Variants in BCAP29 observed in about 807,000 individuals in gnomAD.
BCAP29 encodes B-cell receptor-associated protein 29.
In BCAP29, 34 loss-of-function variants were observed where a neutral mutation model predicts 31.8. The observed-to-expected ratio is 1.07, with a 90% CI of 0.81 to 1.42. BCAP29 has a LOEUF of 1.42. Ranked by LOEUF, BCAP29 falls within the 40% of genes most tolerant of loss-of-function variation. The pLI is 0.00. For synonymous variants in BCAP29, 104 were observed against 91.3 expected, an observed-to-expected ratio of 1.14 and a Z score of -0.79; for missense variants, 314 against 269.2, an observed-to-expected ratio of 1.17 and a Z score of -1.16.
intron 4 of BCAP29, among the ~76,000 whole-genome samples, chr7:107,594,865 A>G (rs943247488): frequency 2.0e-5 from 3 of 152,152 alleles, no homozygotes; most frequent in African/African-American, 7.2e-5. Flanking sequence ...AACAAACAGT[A>G]GTTAACAGCT....
chr7:107,608,542 T>C (rs78447688), intron 6 of BCAP29, among the ~76,000 whole-genome samples: 3,551 of 152,258 alleles, frequency 0.023, 135 homozygotes, highest in African/African-American at 0.081. Flanking sequence ...TCCAGGCTTA[T>C]CTTGAACATT....
chr7:107,603,916 TA>T (rs976468455), intron 6 of BCAP29, among the ~76,000 whole-genome samples: 51 of 152,272 alleles, frequency 3.3e-4, no homozygotes, highest in African/African-American at 1.2e-3. Flanking sequence ...CAGCAATTTT[TA>T]AAAGAACTTT....
At chr7:107,622,493 G>C (rs1815063838), downstream of BCAP29, 1 of 152,994 alleles carries the variant, frequency 6.5e-6, no homozygotes, top group South Asian at 2.1e-4. Flanking sequence ...TCTTTCCCCT[G>C]TCAGTACGTT....
intron 5 of BCAP29, among the ~76,000 whole-genome samples, chr7:107,598,974 T>G (rs1435401809): frequency 1.5e-5 from 2 of 132,816 alleles, no homozygotes; most frequent in Non-Finnish European, 3.1e-5. Flanking sequence ...TAAATTTATA[T>G]ATCTATAAAT....
chr7:107,608,679 T>A (rs1305214305), intron 6 of BCAP29, among the ~76,000 whole-genome samples: 1 of 152,212 alleles, frequency 6.6e-6, no homozygotes, highest in Non-Finnish European at 1.5e-5. Context: ...ATGAGTATAT[T>A]TTCATCAAAA....
At chr7:107,606,890 CT>C in intron 6 of BCAP29, among the ~76,000 whole-genome samples, 1 of 152,024 alleles carries the variant, frequency 6.6e-6, no homozygotes, top group Non-Finnish European at 1.5e-5. Flanking sequence ...GCACCTTTTA[CT>C]TTTTTTTATT....
At chr7:107,591,063 T>C (rs1399945958) in intron 3 of BCAP29, among the ~76,000 whole-genome samples, 1 of 152,136 alleles carries the variant, frequency 6.6e-6, no homozygotes, top group Non-Finnish European at 1.5e-5. Context: ...AAATAAACTT[T>C]ATAAAAGAGG....
At chr7:107,586,309 G>A (rs1468519737) in intron 3 of BCAP29, among the ~76,000 whole-genome samples, 1 of 151,902 alleles carries the variant, frequency 6.6e-6, no homozygotes, top group Non-Finnish European at 1.5e-5. Flanking sequence ...CCACATCAAA[G>A]GAAAAAAAAT....
intron 7 of BCAP29, chr7:107,613,708 G>A: frequency 1.9e-6 from 3 of 1,613,892 alleles, no homozygotes; most frequent in Non-Finnish European, 2.5e-6. Flanking sequence ...TGGCAGCATT[G>A]GAAAACAGAC....
chr7:107,593,480 G>C (rs1809252382), intron 3 of BCAP29, among the ~76,000 whole-genome samples: 1 of 152,128 alleles, frequency 6.6e-6, no homozygotes, highest in Admixed American at 6.6e-5. Context: ...TATGCCAGTG[G>C]AAATTTCAGT....
chr7:107,607,532 T>G (rs576261425), intron 6 of BCAP29, among the ~76,000 whole-genome samples: 6 of 152,074 alleles, frequency 3.9e-5, no homozygotes, highest in Non-Finnish European at 7.4e-5. Flanking sequence ...TTTTACTATA[T>G]CATATTATTA....
chr7:107,583,294 A>G (rs1807033888), intron 2 of BCAP29, among the ~76,000 whole-genome samples: 1 of 151,062 alleles, frequency 6.6e-6, no homozygotes, highest in Non-Finnish European at 1.5e-5. Flanking sequence ...TAGTAATTAC[A>G]TGGTTTTATA....
At chr7:107,609,999 C>G (rs1812838724) in intron 6 of BCAP29, among the ~76,000 whole-genome samples, 1 of 152,182 alleles carries the variant, frequency 6.6e-6, no homozygotes, top group African/African-American at 2.4e-5. Context: ...GTTTCTATCT[C>G]TGGTCGAAAT....
At chr7:107,600,526 A>G (rs764992160) in intron 6 of BCAP29, 21 bp downstream of exon 6, 8 of 1,395,786 alleles carry the variant, frequency 5.7e-6, no homozygotes, top group Non-Finnish European at 4.0e-6. Flanking sequence ...GTACATGTGA[A>G]AAAGTAAAAA....
Position 107,583,967 on chromosome 7 carries a change from ATTGT to A in BCAP29, c.180_183del (p.Val61TyrfsTer3). On this transcript the variant is annotated frameshift_variant, in exon 3 of 8. Coordinates refer to ENST00000005259, the MANE Select transcript of BCAP29 (RefSeq NM_018844.4). LOFTEE classifies it high-confidence loss of function. Reference sequence around the variant, plus strand: ...TTTCCTTACCATTATCATCCTATTGATTGTTCTATTTCTAGGTAAGTACTAGATC... The same window carrying A: ...TTTCCTTACCATTATCATCCTATTGATCTATTTCTAGGTAAGTACTAGATC... The A allele has an allele frequency of 2.6e-6, 4 of 1,565,676 alleles. No individual in the cohort carries two copies. Among genetic ancestry groups the A allele is most frequent in the Non-Finnish European group, 2.6e-6 (3 of 1,150,618 alleles).
In BCAP29 at chr7:107,591,656, A is replaced by ACACACACACACACACC; in HGVS notation, c.194-2298_194-2297insACACACACACACACCC. Among the ~76,000 whole-genome samples the ACACACACACACACACC allele has an allele frequency of 1.7e-3, 233 of 136,170 alleles. 5 individuals carry two copies. Among genetic ancestry groups the ACACACACACACACACC allele is most frequent in the African/African-American group, 5.8e-3 (208 of 36,156 alleles). 89.3% of individuals were successfully genotyped at this position (136,170 alleles called of 152,430 possible). A position where few individuals can be genotyped will look rare whatever the true frequency, so the allele number is the denominator to read the frequency against. On this transcript the variant is annotated intron_variant, in intron 3 of 7. Transcript: ENST00000005259. ...CATACACACATACACACACACACAC[A>ACACACACACACACACC]CCCTATTGGTTCTTTTTCCCTGGAG...
intron 6 of BCAP29, among the ~76,000 whole-genome samples, chr7:107,610,907 A>G (rs1585213719): frequency 6.6e-6 from 1 of 152,336 alleles, no homozygotes; most frequent in East Asian, 1.9e-4. Flanking sequence ...CAAGCACCTG[A>G]CCAACTGTCT....
At chr7:107,584,511 C>A (rs954918570) in intron 3 of BCAP29, among the ~76,000 whole-genome samples, 4 of 152,074 alleles carry the variant, frequency 2.6e-5, no homozygotes, top group Non-Finnish European at 5.9e-5. Context: ...GAGTTTGAGA[C>A]TAGCCTGGGC....
At chr7:107,591,135 G>C (rs1371825237) in intron 3 of BCAP29, among the ~76,000 whole-genome samples, 1 of 151,684 alleles carries the variant, frequency 6.6e-6, no homozygotes, top group Non-Finnish European at 1.5e-5. Context: ...AATAAATGGG[G>C]ATTTTTCATC....
Sources: gnomAD v4.1 joint callset for allele counts (sites outside exome capture counted in the v4.1 genomes callset) on GRCh38, gnomAD v4.1.1 for gene constraint, MANE v1.5 for transcripts, NCBI Gene and HGNC (gene_info 2026-07-23, HGNC 2026-07-21) for gene names.